The following CASTOR2 variants were observed in gnomAD, a reference collection of about 807,000 sequenced individuals.
The protein encoded by CASTOR2 is cytosolic arginine sensor for mTORC1 subunit 2, also known as GATS protein like 2.
Under a neutral mutation model 31.2 loss-of-function variants are expected in CASTOR2, and 8 were observed. That is an observed-to-expected ratio of 0.26 (90% CI 0.15 to 0.46). The LOEUF (loss-of-function observed/expected upper bound fraction) is 0.46. CASTOR2 is among the 20% of genes least tolerant of loss of function. The probability of loss-of-function intolerance (pLI) is 0.99; values close to 1 mark genes in which losing one functional copy is unlikely to be tolerated. For missense variants in CASTOR2, 216 were observed against 382.1 expected (o/e 0.57, Z 3.62); for synonymous variants, 162 against 158.7 (o/e 1.02, Z -0.16).
intron 1 of CASTOR2, among the ~76,000 whole-genome samples, chr7:75,002,658 C>T (rs1461375571): frequency 6.6e-6 from 1 of 152,180 alleles, no homozygotes; most frequent in Non-Finnish European, 1.5e-5. Context: ...CTGTTGGAGG[C>T]ATGAGACTGT....
At chr7:75,014,896 A>G (rs1244018845) in intron 2 of CASTOR2, among the ~76,000 whole-genome samples, 4 of 152,324 alleles carry the variant, frequency 2.6e-5, no homozygotes, top group Non-Finnish European at 5.9e-5. Flanking sequence ...AGGCTATATC[A>G]GCAGCCGCTT....
At chr7:75,024,330 G>A in intron 7 of CASTOR2, 110 bp from the exon 8 acceptor site, 1 of 1,049,022 alleles carries the variant, frequency 9.5e-7, no homozygotes, top group African/African-American at 1.6e-5. Context: ...TTCTCTAGGA[G>A]GATGGTGGGT....
chr7:74,977,957 G>T (rs1803861600), intron 1 of CASTOR2, among the ~76,000 whole-genome samples: 1 of 150,678 alleles, frequency 6.6e-6, no homozygotes, highest in East Asian at 2.0e-4. Flanking sequence ...GGGATTACAG[G>T]TGTGAGCTAC....
chr7:75,018,211 C>A, intron 4 of CASTOR2, 89 bp downstream of exon 4: 1 of 1,554,344 alleles, frequency 6.4e-7, no homozygotes, highest in South Asian at 1.2e-5. Context: ...GCACGGGCTT[C>A]TGCCCACTGA....
chr7:75,009,102 G>A (rs1804670491), intron 2 of CASTOR2, among the ~76,000 whole-genome samples: 2 of 151,672 alleles, frequency 1.3e-5, no homozygotes, highest in Admixed American at 6.6e-5. Flanking sequence ...GATTACAGGT[G>A]CCCGCCGCCA....
intron 2 of CASTOR2, among the ~76,000 whole-genome samples, chr7:75,008,723 G>A (rs1395101938): frequency 6.6e-6 from 1 of 152,064 alleles, no homozygotes; most frequent in Non-Finnish European, 1.5e-5. Context: ...AAAGAAAAGT[G>A]TCTAGCTGGC....
chr7:75,018,916 CA>C, intron 4 of CASTOR2, 55 bp from the exon 5 acceptor site: 1 of 1,551,588 alleles, frequency 6.4e-7, no homozygotes, highest in Non-Finnish European at 8.7e-7. Context: ...CTGCACCCAC[CA>C]GAGCTGCTGC....
At chr7:74,977,336 C>G (rs1361147062) in intron 1 of CASTOR2, among the ~76,000 whole-genome samples, 1 of 151,770 alleles carries the variant, frequency 6.6e-6, no homozygotes, top group East Asian at 1.9e-4. Context: ...TTCTGGGTGT[C>G]CAAGGTCCCT....
chr7:74,992,770 GT>G (rs1804241964), intron 1 of CASTOR2, among the ~76,000 whole-genome samples: 1 of 152,136 alleles, frequency 6.6e-6, no homozygotes, highest in South Asian at 2.1e-4. Context: ...TGGTATGGTG[GT>G]GCATGCTTGT....
chr7:74,974,296 T>C (rs782796896), intron 1 of CASTOR2, among the ~76,000 whole-genome samples: 31 of 148,526 alleles, frequency 2.1e-4, no homozygotes, highest in Non-Finnish European at 3.0e-4. Flanking sequence ...CTCTGTTCAC[T>C]GAGAAACCCC....
intron 1 of CASTOR2, among the ~76,000 whole-genome samples, chr7:75,005,456 A>G (rs1463244407): frequency 6.6e-6 from 1 of 152,140 alleles, no homozygotes; most frequent in Non-Finnish European, 1.5e-5. Context: ...GTATTTCCTC[A>G]TGTGGACATG....
chr7:74,999,528 C>A (rs1327336994), intron 1 of CASTOR2, among the ~76,000 whole-genome samples: 1 of 148,270 alleles, frequency 6.7e-6, no homozygotes, highest in Admixed American at 6.8e-5. Flanking sequence ...TGGGCACTCA[C>A]CCTCCCCCTG....
At chr7:75,003,735 C>T (rs1161904785) in intron 1 of CASTOR2, among the ~76,000 whole-genome samples, 2 of 151,528 alleles carry the variant, frequency 1.3e-5, no homozygotes, top group African/African-American at 2.4e-5. Flanking sequence ...GGTAACAGAG[C>T]GAGACTCCAT....
chr7:74,998,817 A>G (rs1804419466), intron 1 of CASTOR2, among the ~76,000 whole-genome samples: 1 of 151,740 alleles, frequency 6.6e-6, no homozygotes, highest in South Asian at 2.1e-4. Flanking sequence ...GATCTCCTGG[A>G]GGGGAGCCTG....
At chr7:75,019,806 G>A (rs997367371) in intron 5 of CASTOR2, among the ~76,000 whole-genome samples, 2 of 152,194 alleles carry the variant, frequency 1.3e-5, no homozygotes, top group Admixed American at 6.5e-5. Flanking sequence ...GGCAGGGGCC[G>A]GTGTAACCTG....
chr7:74,967,536 CTTTTTTTTTT>C (rs1185507666), intron 1 of CASTOR2, among the ~76,000 whole-genome samples: 1 of 43,460 alleles, frequency 2.3e-5, no homozygotes, highest in African/African-American at 7.2e-5. Flanking sequence ...CACCTGTTTA[CTTTTTTTTTT>C]TTTTTTTTTT....
intron 1 of CASTOR2, among the ~76,000 whole-genome samples, chr7:74,992,394 GAA>G (rs1804233210): frequency 1.3e-5 from 2 of 152,140 alleles, no homozygotes; most frequent in African/African-American, 4.8e-5. Context: ...TTGAGGCCAG[GAA>G]TTCAAGACCA....
intron 6 of CASTOR2, among the ~76,000 whole-genome samples, chr7:75,021,571 C>CT (rs1805005882): frequency 6.6e-6 from 1 of 152,168 alleles, no homozygotes; most frequent in Non-Finnish European, 1.5e-5. Flanking sequence ...TGCTATTTCT[C>CT]CCTCAGCTTG....
Position 75,019,110 on chromosome 7 carries a change from G to C in CASTOR2, c.635+15G>C. 1.3e-6 allele frequency: 2 copies of C among 1,551,786 alleles called. No individual in the cohort carries two copies. The highest frequency in any genetic ancestry group is 2.4e-5 in the South Asian group (2 of 84,052). On this transcript the variant is annotated intron_variant, in intron 5 of 8. Coordinates refer to ENST00000616305, the MANE Select transcript of CASTOR2 (RefSeq NM_001145064.3). ...TACTCCAATGGGTAGGGCTGCCTTG[G>C]GCATGAGGGGTTGCAGGGTGGGCCA...
Sources: gnomAD v4.1 joint callset for allele counts (sites outside exome capture counted in the v4.1 genomes callset) on GRCh38, gnomAD v4.1.1 for gene constraint, MANE v1.5 for transcripts, NCBI Gene and HGNC (gene_info 2026-07-23, HGNC 2026-07-21) for gene names.